Variants in TPSG1 observed in about 807,000 individuals in gnomAD.
The protein encoded by TPSG1 is tryptase gamma.
TPSG1 carries 43 observed loss-of-function variants against 23.8 expected under a neutral mutation model. The ratio of observed to expected loss-of-function variants is 1.81; its 90% CI spans 1.42 to 2.33. The LOEUF is 2.33. Among genes scored for constraint, TPSG1 ranks in the 30% most tolerant of loss-of-function variants. TPSG1 has a pLI of 0.00. For missense variants in TPSG1, 623 were observed against 438.6 expected (o/e 1.42, Z -3.75); for synonymous variants, 302 against 201.3 (o/e 1.50, Z -4.23).
At position 1,221,733 on chromosome 16, in the gene TPSG1, G is replaced by A; in HGVS notation, c.*55C>T. The A allele has an allele frequency of 7.4e-6, 11 of 1,479,886 alleles. No individual in the cohort carries two copies. The South Asian group carries it at 1.1e-4, about 14-fold the overall frequency. 91.7% of individuals were successfully genotyped at this position (1,479,886 alleles called of 1,614,324 possible). A position where few individuals can be genotyped will look rare whatever the true frequency, so the allele number is the denominator to read the frequency against. ...CTCAGCTTCTCAAGGGAGAGGGAGG[G>A]GGCGGAGCGGAATAAATAGTAACTT... is the stretch of plus-strand genomic sequence containing the variant. On this transcript the variant is annotated 3_prime_UTR_variant, in exon 6 of 6. Transcript: ENST00000234798.
At chr16:1,223,287 C>A in intron 3 of TPSG1, 136 bp downstream of exon 3, 1 of 1,196,678 alleles carries the variant, frequency 8.4e-7, no homozygotes, top group Non-Finnish European at 1.1e-6. Context: ...CCAGCTCCTC[C>A]CTTTCCATTG....
In TPSG1 at chr16:1,222,873, TCCAGTTCCC is replaced by T; in HGVS notation, c.281_289del (p.Gly94_Leu96del). ...GGAGAAGTGGGGAGACAGAGTGATCTCCAGTTCCCCCAGGTGCACCTGGTAGTCGGATGA... is the reference window on the plus strand; with the variant it reads ...GGAGAAGTGGGGAGACAGAGTGATCTCCAGGTGCACCTGGTAGTCGGATGA... On this transcript the variant is annotated inframe_deletion, in exon 4 of 6. Transcript: ENST00000234798. 6.2e-7 allele frequency: 1 copy of T among 1,609,344 alleles called. No homozygotes were observed. Among genetic ancestry groups the T allele is most frequent in the South Asian group, 1.1e-5 (1 of 90,412 alleles).
At chr16:1,224,007 G>A (rs1049888191) in intron 2 of TPSG1, 5 of 251,886 alleles carry the variant, frequency 2.0e-5, no homozygotes, top group East Asian at 1.3e-4. Flanking sequence ...TTCGGGGGGC[G>A]GGGGGCAGAC....
chr16:1,223,961 T>C, intron 2 of TPSG1: 1 of 284,196 alleles, frequency 3.5e-6, no homozygotes, highest in Non-Finnish European at 6.5e-6. Flanking sequence ...CCGGTTTTCC[T>C]TCAGGGGTGG....
intron 4 of TPSG1, 27 bp from the exon 5 acceptor site, chr16:1,222,368 G>C: frequency 6.4e-7 from 1 of 1,558,534 alleles, no homozygotes; most frequent in Non-Finnish European, 8.7e-7. Flanking sequence ...AGGCTTCAGA[G>C]AAGGTTGGGG....
intron 4 of TPSG1, 112 bp from the exon 5 acceptor site, chr16:1,222,453 C>T (rs1328445697): frequency 4.0e-6 from 5 of 1,243,998 alleles, no homozygotes; most frequent in Admixed American, 2.2e-5. Context: ...CTCGTCACGG[C>T]ACGTGGGTTG....
At position 1,222,650 on chromosome 16, in the gene TPSG1, A is replaced by G. The variant is rs777253493; in HGVS notation, c.511+2T>C. 6.5e-7 allele frequency: 1 copy of G among 1,536,082 alleles called. No individual in the cohort carries two copies. Among genetic ancestry groups the G allele is most frequent in the Admixed American group, 1.9e-5 (1 of 52,842 alleles). On this transcript the variant is annotated splice_donor_variant, in intron 4 of 5. Transcript: ENST00000234798. LOFTEE classifies it high-confidence loss of function. Reference sequence around the variant, plus strand: ...CCCAGCATCCCCACGGGGGCTCCTCACCTCCCTCCCGCGTATAGCCCCAGC... The same window carrying G: ...CCCAGCATCCCCACGGGGGCTCCTCGCCTCCCTCCCGCGTATAGCCCCAGC...
rs575532487 is a variant in TPSG1, at chr16:1,224,466, G to A, written c.73+136C>T. 24 of 1,146,896 alleles carry A rather than the reference G, an allele frequency of 2.1e-5. No individual in the cohort carries two copies. In the Middle Eastern group the frequency reaches 7.1e-4, roughly 34 times the overall value. 71.0% of individuals were successfully genotyped at this position (1,146,896 alleles called of 1,614,324 possible). On this transcript the variant is annotated intron_variant, in intron 2 of 5. Coordinates refer to ENST00000234798, the MANE Select transcript of TPSG1 (RefSeq NM_012467.4). ...CCAGCCCCACTCAACCGAGAGATGC[G>A]AGCAGAAACCACGGCGACAAACTAT... is the stretch of plus-strand genomic sequence containing the variant.
chr16:1,224,298 C>T (rs888663270), intron 2 of TPSG1, among the ~76,000 whole-genome samples: 2 of 152,004 alleles, frequency 1.3e-5, no homozygotes, highest in South Asian at 2.1e-4. Flanking sequence ...GGCAAAGCCC[C>T]CAGCTGGTTC....
rs1488804721 is a variant in TPSG1 at position 1,221,875 on chromosome 16, G to A, written c.879C>T (p.Leu293=). The A allele has an allele frequency of 1.9e-6, 3 of 1,611,918 alleles. No homozygotes were observed. The East Asian group carries it at 6.7e-5, about 36-fold the overall frequency. The change falls in exon 6 of 6, where the codon CTC becomes CTT. Residue 293 remains leucine, a synonymous_variant. Coordinates refer to ENST00000234798, the MANE Select transcript of TPSG1 (RefSeq NM_012467.4). The stretch of plus-strand genomic sequence containing the variant: ...GGACACAGGAGACTAGCAGAAGGAA[G>A]AGGCCGGGGAGGAAGAAGCCAGCCA... ...PLLAGFFLPG[L]FLLLVSCVLL... is the part of the protein sequence containing the mutation.
rs368488309 is a variant in TPSG1, at chr16:1,221,743, G to A, written c.*45C>T. ...CAAGGGAGAGGGAGGGGGCGGAGCG[G>A]AATAAATAGTAACTTATTTAAGAAA... is the stretch of plus-strand genomic sequence containing the variant. On this transcript the variant is annotated 3_prime_UTR_variant, in exon 6 of 6. Transcript: ENST00000234798. 1.5e-5 allele frequency: 23 copies of A among 1,525,644 alleles called. 1 individual carries two copies. In the African/African-American group the frequency reaches 2.6e-4, roughly 17 times the overall value. The allele number at this position is 1,525,644 out of a possible 1,614,324, so 94.5% of individuals were successfully genotyped here.
chr16:1,222,641 G>GGGC lies in TPSG1; in HGVS notation c.511+8_511+10dup. 6.5e-7 allele frequency: 1 copy of GGGC among 1,534,702 alleles called. No individual in the cohort carries two copies. Among genetic ancestry groups the GGGC allele is most frequent in the South Asian group, 1.3e-5 (1 of 79,074 alleles). On this transcript the variant is annotated intron_variant, in intron 4 of 5. Transcript: ENST00000234798. ...TTCCTCCATCCCAGCATCCCCACGGGGGCTCCTCACCTCCCTCCCGCGTAT... is the reference window on the plus strand; with the variant it reads ...TTCCTCCATCCCAGCATCCCCACGGGGGCGGCTCCTCACCTCCCTCCCGCGTAT...
At position 1,222,456 on chromosome 16, in the gene TPSG1, G is replaced by A. The variant is rs565010165; in HGVS notation, c.512-115C>T. On this transcript the variant is annotated intron_variant, in intron 4 of 5. Transcript: ENST00000234798. ...GCCACCACGACCCTCGTCACGGCAC[G>A]TGGGTTGTGATCTGACGTTTGGCTG... 747 of 1,249,458 alleles carry A rather than the reference G, an allele frequency of 6.0e-4. 1 individual carries two copies. The highest frequency in any genetic ancestry group is 5.5e-3 in the African/African-American group (368 of 66,816). The allele number at this position is 1,249,458 out of a possible 1,614,324, so 77.4% of individuals were successfully genotyped here. A position where few individuals can be genotyped will look rare whatever the true frequency, so the allele number is the denominator to read the frequency against.
Position 1,223,527 on chromosome 16 carries a change from G to A in TPSG1, c.141C>T (p.Gly47=), listed in dbSNP as rs568388102. The part of the protein sequence containing the change: ...RIVGGHAAPA[G]AWPWQASLRL... ...GGAGGCTGGCCTGCCATGGCCATGC[G>A]CCGGCCGGGGCAGCGTGACCCCCCA... Residue 47 remains glycine (G), a synonymous_variant, in exon 3 of 6, where the codon GGC becomes GGT. Coordinates refer to ENST00000234798, the MANE Select transcript of TPSG1 (RefSeq NM_012467.4). The A allele has an allele frequency of 5.4e-5, 84 of 1,550,712 alleles. No homozygotes were observed. In the East Asian group the frequency reaches 1.3e-3, roughly 24 times the overall value.
At position 1,222,917 on chromosome 16, in the gene TPSG1, C is replaced by T. The variant is rs768610211; in HGVS notation, c.246G>A (p.Gly82=). The T allele has an allele frequency of 6.3e-7, 1 of 1,592,518 alleles. No individual in the cohort carries two copies. Among genetic ancestry groups the T allele is most frequent in the Admixed American group, 1.7e-5 (1 of 59,190 alleles). Residue 82 remains glycine, a splice_region_variant and synonymous_variant, in exon 4 of 6, where the codon GGG becomes GGA. Coordinates refer to ENST00000234798, the MANE Select transcript of TPSG1 (RefSeq NM_012467.4). The stretch of plus-strand genomic sequence containing the variant: ...CCTGGTAGTCGGATGAGTTCAGGGA[C>T]CTGGGAGGGAAGGTGGCTGGGTGAG... The part of the protein sequence containing the change: ...WVLTAAHCFS[G]SLNSSDYQVH...
intron 3 of TPSG1, 74 bp from the exon 4 acceptor site, chr16:1,222,991 C>A: frequency 6.8e-7 from 1 of 1,476,196 alleles, no homozygotes; most frequent in Non-Finnish European, 9.1e-7. Flanking sequence ...CGCCCAGACC[C>A]TACCCTTGCA....
chr16:1,223,361 G>A lies in TPSG1; in HGVS notation c.245+62C>T, dbSNP rs557403435. On this transcript the variant is annotated intron_variant, in intron 3 of 5. Transcript: ENST00000234798. Reference sequence around the variant, plus strand: ...GTCAAGACCAAGTGGAGGCCTCTGCGCTGGCGCATGCCCCACTGGGGCCTG... The same window carrying A: ...GTCAAGACCAAGTGGAGGCCTCTGCACTGGCGCATGCCCCACTGGGGCCTG... 418 of 1,494,630 alleles carry A rather than the reference G, an allele frequency of 2.8e-4. 1 individual carries two copies. Among genetic ancestry groups the A allele is most frequent in the South Asian group, 3.9e-4 (30 of 77,146 alleles). 92.6% of individuals were successfully genotyped at this position (1,494,630 alleles called of 1,614,324 possible). A position where few individuals can be genotyped will look rare whatever the true frequency, so the allele number is the denominator to read the frequency against.
chr16:1,224,660 G>A, intron 1 of TPSG1, 32 bp from the exon 2 acceptor site: 2 of 1,613,482 alleles, frequency 1.2e-6, no homozygotes, highest in Non-Finnish European at 1.7e-6. Context: ...CAGGATGGAG[G>A]GGGCTGCCAA....
At position 1,221,731 on chromosome 16, in the gene TPSG1, G is replaced by T; in HGVS notation, c.*57C>A. On this transcript the variant is annotated 3_prime_UTR_variant, in exon 6 of 6. Coordinates refer to ENST00000234798, the MANE Select transcript of TPSG1 (RefSeq NM_012467.4). ...GACTCAGCTTCTCAAGGGAGAGGGA[G>T]GGGGCGGAGCGGAATAAATAGTAAC... 1.4e-6 allele frequency: 2 copies of T among 1,463,818 alleles called. No individual in the cohort carries two copies. Among genetic ancestry groups the T allele is most frequent in the South Asian group, 1.4e-5 (1 of 72,898 alleles). 90.7% of individuals were successfully genotyped at this position (1,463,818 alleles called of 1,614,324 possible).
Sources: gnomAD v4.1 joint callset for allele counts (sites outside exome capture counted in the v4.1 genomes callset) on GRCh38, gnomAD v4.1.1 for gene constraint, MANE v1.5 for transcripts, NCBI Gene and HGNC (gene_info 2026-07-23, HGNC 2026-07-21) for gene names.